The following ITSN2 variants were observed in gnomAD, a reference collection of about 807,000 sequenced individuals.
The protein encoded by ITSN2 is intersectin-2.
Under a neutral mutation model 243.7 loss-of-function variants are expected in ITSN2, and 156 were observed. The ratio of observed to expected loss-of-function variants is 0.64; its 90% CI spans 0.56 to 0.73. The LOEUF is 0.73. Ranked by LOEUF, ITSN2 falls within the 30% of genes least tolerant of loss-of-function variation. ITSN2 has a pLI of 0.00. For missense variants in ITSN2, 1,801 were observed against 1,996.1 expected, an observed-to-expected ratio of 0.90 and a Z score of 1.86; for synonymous variants, 703 against 699.9, an observed-to-expected ratio of 1.00 and a Z score of -0.07.
intron 32 of ITSN2, among the ~76,000 whole-genome samples, chr2:24,214,008 C>T (rs1669732518): frequency 6.6e-6 from 1 of 152,186 alleles, no homozygotes; most frequent in Non-Finnish European, 1.5e-5. Flanking sequence ...GTGATAATCT[C>T]CTTTTATAGA....
intron 1 of ITSN2, among the ~76,000 whole-genome samples, chr2:24,329,299 C>T (rs1439314027): frequency 6.6e-6 from 1 of 151,930 alleles, no homozygotes; most frequent in Non-Finnish European, 1.5e-5. Flanking sequence ...CTCGCTCTGT[C>T]GCCCAGGCTG....
chr2:24,305,870 A>T (rs1214617420), intron 8 of ITSN2, among the ~76,000 whole-genome samples: 1 of 152,216 alleles, frequency 6.6e-6, no homozygotes, highest in African/African-American at 2.4e-5. Flanking sequence ...ACTTCCCCAC[A>T]GTTGGCTCCC....
At chr2:24,203,866 T>C in intron 39 of ITSN2, 83 bp from the exon 40 acceptor site, 1 of 1,410,666 alleles carries the variant, frequency 7.1e-7, no homozygotes, top group Non-Finnish European at 9.7e-7. Context: ...AGTGGATTCA[T>C]AAAACCTTCA....
chr2:24,210,685 C>T, intron 34 of ITSN2, 95 bp downstream of exon 34: 3 of 1,176,814 alleles, frequency 2.5e-6, no homozygotes, highest in Non-Finnish European at 2.4e-6. Context: ...CGCAGGCTGC[C>T]TAAGGTGCAG....
rs929627428 is a variant in ITSN2, at chr2:24,233,397, G to A, written c.3578-12331C>T. Among the ~76,000 whole-genome samples, 59 of 151,978 alleles carry A rather than the reference G, an allele frequency of 3.9e-4. 2 individuals are homozygous for A. The highest frequency in any genetic ancestry group is 2.9e-5 in the Non-Finnish European group (2 of 67,998). On this transcript the variant is annotated intron_variant, in intron 29 of 39. Transcript: ENST00000355123. ...AGGGATCCCAGTGGCAGGTTCTTCG[G>A]TACCTTGGAATGTAACTTGACCAGC...
At chr2:24,232,522 G>T (rs1479139901) in intron 29 of ITSN2, among the ~76,000 whole-genome samples, 1 of 152,136 alleles carries the variant, frequency 6.6e-6, no homozygotes, top group African/African-American at 2.4e-5. Flanking sequence ...TCAATTGAGG[G>T]AGTTAATGTG....
intron 4 of ITSN2, among the ~76,000 whole-genome samples, chr2:24,312,800 A>T (rs571323116): frequency 2.6e-5 from 4 of 152,244 alleles, no homozygotes; most frequent in Admixed American, 1.3e-4. Flanking sequence ...AAACGTTTTT[A>T]AAAAAACAGA....
chr2:24,295,593 G>T, intron 14 of ITSN2, 71 bp downstream of exon 14: 2 of 1,233,674 alleles, frequency 1.6e-6, no homozygotes, highest in Non-Finnish European at 2.2e-6. Context: ...ACAGCCGTGA[G>T]CCACCGTGCC....
At chr2:24,261,305 G>T in intron 21 of ITSN2, 55 bp from the exon 22 acceptor site, 1 of 1,299,116 alleles carries the variant, frequency 7.7e-7, no homozygotes, top group Non-Finnish European at 1.1e-6. Flanking sequence ...ACTTAATGAA[G>T]TACTACCAAT....
At chr2:24,334,703 A>T in intron 1 of ITSN2, 2 of 1,585,454 alleles carry the variant, frequency 1.3e-6, no homozygotes, top group Non-Finnish European at 1.7e-6. Context: ...AACTACAAAG[A>T]AGATTGTGCT....
rs954215998 is a variant in ITSN2, at chr2:24,203,302, C to T, written c.*324G>A. On this transcript the variant is annotated 3_prime_UTR_variant, in exon 40 of 40. Coordinates refer to ENST00000355123, the MANE Select transcript of ITSN2 (RefSeq NM_006277.3). ...TCCACGGTGGACACATTCAACCGAG[C>T]GGTAACATCTGGTGGTCTGATGCCT... is the stretch of plus-strand genomic sequence containing the variant. The T allele has an allele frequency of 6.5e-5, 13 of 201,268 alleles. No homozygotes were observed. The highest frequency in any genetic ancestry group is 1.3e-4 in the South Asian group (1 of 7,512). The allele number at this position is 201,268 out of a possible 1,614,324, so 12.5% of individuals were successfully genotyped here. A position where few individuals can be genotyped will look rare whatever the true frequency, so the allele number is the denominator to read the frequency against.
At chr2:24,226,413 A>G (rs1671034061) in intron 29 of ITSN2, among the ~76,000 whole-genome samples, 1 of 152,214 alleles carries the variant, frequency 6.6e-6, no homozygotes, top group African/African-American at 2.4e-5. Context: ...ACATGATTAA[A>G]AAGTTTTTTG....
chr2:24,328,622 C>G (rs542467602), intron 1 of ITSN2, among the ~76,000 whole-genome samples: 1 of 152,186 alleles, frequency 6.6e-6, no homozygotes. Context: ...TCCACCACAC[C>G]TGGCTAATTT....
chr2:24,270,073 C>T (rs1046185519), intron 20 of ITSN2, among the ~76,000 whole-genome samples: 7 of 152,022 alleles, frequency 4.6e-5, no homozygotes, highest in African/African-American at 1.2e-4. Context: ...GCAGGGGGAG[C>T]GGGGGAAAGA....
At chr2:24,246,769 T>C (rs1238048058) in intron 28 of ITSN2, 28 bp downstream of exon 28, 1 of 1,345,354 alleles carries the variant, frequency 7.4e-7, no homozygotes, top group Non-Finnish European at 1.1e-6. Context: ...TCCTCTAAAA[T>C]GAAATACAAA....
chr2:24,224,009 G>A (rs992257512), intron 29 of ITSN2, among the ~76,000 whole-genome samples: 2 of 151,802 alleles, frequency 1.3e-5, no homozygotes, highest in African/African-American at 4.9e-5. Context: ...GTAACTGAGT[G>A]TTAAAAAAAA....
chr2:24,252,305 C>A, intron 25 of ITSN2, 40 bp downstream of exon 25: 1 of 1,398,730 alleles, frequency 7.1e-7, no homozygotes. Flanking sequence ...TAAGTATAAA[C>A]CTGATTAACC....
chr2:24,212,258 G>T (rs748793656), intron 33 of ITSN2, among the ~76,000 whole-genome samples: 1 of 152,198 alleles, frequency 6.6e-6, no homozygotes, highest in Non-Finnish European at 1.5e-5. Flanking sequence ...GATGGAGGCA[G>T]ATCTCAGAGG....
chr2:24,313,579 A>C, intron 3 of ITSN2, 56 bp from the exon 4 acceptor site: 1 of 1,228,248 alleles, frequency 8.1e-7, no homozygotes, highest in Non-Finnish European at 1.2e-6. Flanking sequence ...AATTATTCCA[A>C]TGCTTCTGAA....
Sources: allele counts gnomAD v4.1 joint callset (sites outside exome capture counted in the v4.1 genomes callset), GRCh38; gene constraint gnomAD v4.1.1; transcripts MANE v1.5; gene names NCBI Gene and HGNC (gene_info 2026-07-23, HGNC 2026-07-21).